Variants in PARP4 observed in about 807,000 individuals in gnomAD.
PARP4 encodes protein mono-ADP-ribosyltransferase PARP4.
Under a neutral mutation model 187.7 loss-of-function variants are expected in PARP4, and 120 were observed. The ratio of observed to expected loss-of-function variants is 0.64; its 90% CI spans 0.55 to 0.74. The LOEUF (loss-of-function observed/expected upper bound fraction) is 0.74. Ranked by LOEUF, PARP4 falls within the 30% of genes least tolerant of loss-of-function variation. The pLI is 0.00. For missense variants in PARP4, 1,836 were observed against 2,070.5 expected, an observed-to-expected ratio of 0.89 and a Z score of 2.20; for synonymous variants, 654 against 740.9, an observed-to-expected ratio of 0.88 and a Z score of 1.90.
intron 32 of PARP4, among the ~76,000 whole-genome samples, chr13:24,427,921 C>G (rs1355638581): frequency 2.0e-5 from 3 of 152,000 alleles, no homozygotes; most frequent in African/African-American, 7.3e-5. Flanking sequence ...AAGCAACATA[C>G]AACTCCAAGA....
intron 21 of PARP4, among the ~76,000 whole-genome samples, chr13:24,455,499 A>ATATATATATC (rs1565999142): frequency 7.1e-6 from 1 of 139,898 alleles, no homozygotes; most frequent in African/African-American, 2.6e-5. Context: ...ATATATATAT[A>ATATATATATC]TATATATCAC....
chr13:24,427,969 G>A (rs1870141829), intron 32 of PARP4, among the ~76,000 whole-genome samples: 1 of 152,054 alleles, frequency 6.6e-6, no homozygotes, highest in Admixed American at 6.6e-5. Flanking sequence ...AATACCTAAT[G>A]TGTATCAGCG....
intron 15 of PARP4, 111 bp from the exon 16 acceptor site, chr13:24,470,136 G>C: frequency 9.9e-7 from 1 of 1,011,204 alleles, no homozygotes; most frequent in Non-Finnish European, 1.4e-6. Flanking sequence ...CCTTGAATTT[G>C]TATCACGTCC....
At chr13:24,451,644 A>C (rs1871526066) in intron 24 of PARP4, among the ~76,000 whole-genome samples, 1 of 130,130 alleles carries the variant, frequency 7.7e-6, no homozygotes, top group South Asian at 2.2e-4. Flanking sequence ...CACTGCCACC[A>C]GATAGCTGGT....
chr13:24,481,710 A>G (rs1178796164), intron 12 of PARP4, among the ~76,000 whole-genome samples: 1 of 152,154 alleles, frequency 6.6e-6, no homozygotes, highest in Non-Finnish European at 1.5e-5. Context: ...AAAAAAAGAA[A>G]GAAAGAAATA....
intron 25 of PARP4, among the ~76,000 whole-genome samples, chr13:24,449,101 T>G (rs995105959): frequency 1.3e-5 from 2 of 152,104 alleles, no homozygotes; most frequent in African/African-American, 4.8e-5. Flanking sequence ...TAAAAATGGT[T>G]AAAATGGCCA....
intron 27 of PARP4, among the ~76,000 whole-genome samples, chr13:24,445,944 C>G (rs1308040723): frequency 1.3e-5 from 2 of 152,150 alleles, no homozygotes; most frequent in African/African-American, 4.8e-5. Context: ...GGACATGCAA[C>G]TGGTGTCAGA....
rs1292302175 is a variant in PARP4, at chr13:24,493,708, G to A, written c.767C>T (p.Ser256Leu). The A allele has an allele frequency of 1.2e-6, 2 of 1,613,548 alleles. No homozygotes were observed. The highest frequency in any genetic ancestry group is 1.7e-5 in the Admixed American group (1 of 59,860). Residue 256 changes from serine (S) to leucine (L), a missense_variant, in exon 8 of 34, where the codon TCA (serine) becomes TTA (leucine). Coordinates refer to ENST00000381989, the MANE Select transcript of PARP4 (RefSeq NM_006437.4). ...GCTCACCTCTTGGCTCAGAGTGCTTGAATTCATGACTTCCTCCAAAAGCAA... is the reference window on the plus strand; with the variant it reads ...GCTCACCTCTTGGCTCAGAGTGCTTAAATTCATGACTTCCTCCAAAAGCAA... The part of the protein sequence containing the change: ...QALLLEEVMN[S>L]STLSQEVSDL...
intron 33 of PARP4, among the ~76,000 whole-genome samples, chr13:24,422,107 G>A (rs1869779094): frequency 6.6e-6 from 1 of 152,108 alleles, no homozygotes; most frequent in Admixed American, 6.5e-5. Flanking sequence ...GTTAAGAGCT[G>A]GGTTTGAGTC....
intron 31 of PARP4, among the ~76,000 whole-genome samples, chr13:24,432,701 A>C (rs1870405674): frequency 6.6e-6 from 1 of 151,832 alleles, no homozygotes; most frequent in Admixed American, 6.5e-5. Context: ...TGTAGTCTGA[A>C]ACATGAAAAT....
chr13:24,494,837 C>A, intron 6 of PARP4, 115 bp from the exon 7 acceptor site: 4 of 617,400 alleles, frequency 6.5e-6, no homozygotes, highest in Non-Finnish European at 1.1e-5. Flanking sequence ...TAGTTTTTTT[C>A]AAAGAATTAC....
intron 24 of PARP4, 194 bp downstream of exon 24, chr13:24,452,212 C>T (rs932680388): frequency 1.3e-5 from 7 of 535,470 alleles, no homozygotes; most frequent in Middle Eastern, 5.0e-4. Context: ...CTCAAGGTCA[C>T]GGCTAAGCTA....
At chr13:24,500,881 T>C (rs17385717) in intron 3 of PARP4, among the ~76,000 whole-genome samples, 12,057 of 152,290 alleles carry the variant, frequency 0.079, 644 homozygotes, top group Non-Finnish European at 0.12. Flanking sequence ...GTTTTAATTA[T>C]ACTGTCAAGA....
Position 24,492,589 on chromosome 13 carries a change from G to C in PARP4, c.885C>G (p.Ser295Arg), listed in dbSNP as rs149779905. The C allele has an allele frequency of 6.2e-7, 1 of 1,612,930 alleles. No individual in the cohort carries two copies. The highest frequency in any genetic ancestry group is 1.3e-5 in the African/African-American group (1 of 74,864). Reference protein sequence around the residue: ...PVNRISLNDVSKAEGILLLVK... With the variant: ...PVNRISLNDVRKAEGILLLVK... ...CTAGAAGGAGAATCCCCTCTGCCTT[G>C]CTCACCTTTCAACAGATCATATATG... Residue 295 changes from serine (S) to arginine (R), a missense_variant, in exon 9 of 34, where the codon AGC becomes AGG. By Grantham distance (110) the Ser-to-Arg change is moderately radical. Transcript: ENST00000381989.
At chr13:24,489,163 A>G (rs1868483705) in intron 10 of PARP4, among the ~76,000 whole-genome samples, 1 of 152,124 alleles carries the variant, frequency 6.6e-6, no homozygotes, top group Admixed American at 6.6e-5. Flanking sequence ...TGAGTATAGA[A>G]CTAGGAGTGG....
intron 33 of PARP4, among the ~76,000 whole-genome samples, chr13:24,423,560 C>T (rs11841989): frequency 6.7e-6 from 1 of 150,170 alleles, no homozygotes; most frequent in East Asian, 2.0e-4. Flanking sequence ...AAAAACAAAA[C>T]AAAAAAAAAG....
At chr13:24,510,229 C>T (rs1183834232) in intron 1 of PARP4, among the ~76,000 whole-genome samples, 1 of 152,160 alleles carries the variant, frequency 6.6e-6, no homozygotes, top group Non-Finnish European at 1.5e-5. Context: ...TTTCATCCTT[C>T]CCCAAGTCAT....
intron 1 of PARP4, among the ~76,000 whole-genome samples, chr13:24,505,380 T>C (rs1056953222): frequency 6.1e-5 from 9 of 148,442 alleles, no homozygotes; most frequent in Non-Finnish European, 1.1e-4. Flanking sequence ...CCATGATTTG[T>C]ATTGATTTGT....
chr13:24,498,001 A>C (rs1869047176), intron 6 of PARP4, 115 bp downstream of exon 6: 1 of 636,812 alleles, frequency 1.6e-6, no homozygotes, highest in Non-Finnish European at 2.8e-6. Context: ...TATTAATAGC[A>C]GCCTGAGCTA....
Sources: gnomAD v4.1 joint callset for allele counts (sites outside exome capture counted in the v4.1 genomes callset) on GRCh38, gnomAD v4.1.1 for gene constraint, MANE v1.5 for transcripts, NCBI Gene and HGNC (gene_info 2026-07-23, HGNC 2026-07-21) for gene names.